The following SORCS3 variants were observed in gnomAD, a reference collection of about 807,000 sequenced individuals.
The protein encoded by SORCS3 is sortilin related VPS10 domain containing receptor 3.
In SORCS3, 57 loss-of-function variants were observed where a neutral mutation model predicts 146.3. That is an observed-to-expected ratio of 0.39 (90% CI 0.31 to 0.49). The LOEUF (loss-of-function observed/expected upper bound fraction) is 0.49, where lower values mean the gene tolerates loss of function less well. SORCS3 is among the 20% of genes least tolerant of loss of function. The probability of loss-of-function intolerance (pLI) is 0.92; values close to 1 mark genes in which losing one functional copy is unlikely to be tolerated. For missense variants in SORCS3, 1,341 were observed against 1,575.5 expected, an observed-to-expected ratio of 0.85 and a Z score of 2.52; for synonymous variants, 653 against 618.5, an observed-to-expected ratio of 1.06 and a Z score of -0.83.
intron 3 of SORCS3, among the ~76,000 whole-genome samples, chr10:104,927,808 G>A (rs12359431): frequency 0.012 from 1,856 of 151,998 alleles, 21 homozygotes; most frequent in Non-Finnish European, 0.019. Flanking sequence ...AACCCGGGAG[G>A]TGGAGGTTGT....
intron 4 of SORCS3, among the ~76,000 whole-genome samples, chr10:105,014,383 T>C (rs1283131425): frequency 6.6e-6 from 1 of 151,910 alleles, no homozygotes; most frequent in Non-Finnish European, 1.5e-5. Flanking sequence ...TGAATTAAGA[T>C]GCAAAAATGC....
intron 1 of SORCS3, among the ~76,000 whole-genome samples, chr10:104,781,958 T>C (rs1421540916): frequency 6.6e-6 from 1 of 152,250 alleles, no homozygotes; most frequent in Non-Finnish European, 1.5e-5. Context: ...GTTACGGAGC[T>C]TTACAGCTTT....
chr10:105,138,731 A>G (rs74157452), intron 7 of SORCS3, among the ~76,000 whole-genome samples: 2,081 of 152,310 alleles, frequency 0.014, 47 homozygotes, highest in African/African-American at 0.047. Flanking sequence ...GTGAGGTTAC[A>G]GGGCTTGTCC....
chr10:105,089,850 C>T lies in SORCS3; in HGVS notation c.1093+11C>T. On this transcript the variant is annotated intron_variant, in intron 6 of 26. Coordinates refer to ENST00000369701, the MANE Select transcript of SORCS3 (RefSeq NM_014978.3). ...GGACCACGGATGGATGTGAGTTCTG[C>T]TACAGCCAGGCTAGGCCCAGGGAGA... The T allele has an allele frequency of 6.2e-7, 1 of 1,611,832 alleles. No homozygotes were observed. Among genetic ancestry groups the T allele is most frequent in the Non-Finnish European group, 8.5e-7 (1 of 1,177,948 alleles).
chr10:104,880,704 T>C (rs962554912), intron 2 of SORCS3, among the ~76,000 whole-genome samples: 1 of 152,114 alleles, frequency 6.6e-6, no homozygotes, highest in African/African-American at 2.4e-5. Flanking sequence ...TTCAAGTACA[T>C]TATCCAGCCC....
At chr10:104,675,551 T>A (rs535740346) in intron 1 of SORCS3, among the ~76,000 whole-genome samples, 1 of 152,204 alleles carries the variant, frequency 6.6e-6, no homozygotes, top group Non-Finnish European at 1.5e-5. Flanking sequence ...AGAATTTGTT[T>A]TATGTGTTGA....
chr10:104,671,202 GC>G, intron 1 of SORCS3, among the ~76,000 whole-genome samples: 1 of 150,566 alleles, frequency 6.6e-6, no homozygotes, highest in South Asian at 2.1e-4. Context: ...GTAAAAGCCA[GC>G]TTCCTTGACT....
intron 3 of SORCS3, among the ~76,000 whole-genome samples, chr10:104,969,697 A>C (rs1474435632): frequency 6.6e-6 from 1 of 152,060 alleles, no homozygotes; most frequent in African/African-American, 2.4e-5. Context: ...TAAAACTGCC[A>C]CTCAATGTCA....
intron 3 of SORCS3, among the ~76,000 whole-genome samples, chr10:104,918,468 C>G (rs1401141320): frequency 6.6e-6 from 1 of 152,150 alleles, no homozygotes; most frequent in Admixed American, 6.5e-5. Flanking sequence ...GCTTTATGAT[C>G]TTGAATTAAA....
intron 5 of SORCS3, among the ~76,000 whole-genome samples, chr10:105,079,909 A>ATTT (rs1035186273): frequency 2.0e-5 from 3 of 152,176 alleles, no homozygotes; most frequent in Non-Finnish European, 4.4e-5. Context: ...TTATGGCTGC[A>ATTT]TGGTGTACCA....
rs765815745 is a variant in SORCS3 at position 105,200,061 on chromosome 10, T to C, written c.2072T>C (p.Ile691Thr). The change falls in exon 15 of 27, where the codon ATC (isoleucine) becomes ACC (threonine). Residue 691 changes from isoleucine to threonine, a missense_variant. Coordinates refer to ENST00000369701, the MANE Select transcript of SORCS3 (RefSeq NM_014978.3). ...WQLVKVDYKS[I>T]FSRHCTKEDY... ...TTGGTGAAAGTGGACTACAAATCTA[T>C]CTTCAGCCGGCATTGCACCAAGGAG... The C allele has an allele frequency of 6.2e-7, 1 of 1,613,564 alleles. No individual in the cohort carries two copies. The highest frequency in any genetic ancestry group is 8.5e-7 in the Non-Finnish European group (1 of 1,179,704).
intron 3 of SORCS3, among the ~76,000 whole-genome samples, chr10:104,947,550 C>G (rs180899700): frequency 3.1e-3 from 470 of 152,214 alleles, no homozygotes; most frequent in African/African-American, 0.011. Flanking sequence ...TCCGCGCAGG[C>G]TCAGAGAATG....
chr10:105,109,675 C>T (rs1176929778), intron 7 of SORCS3, among the ~76,000 whole-genome samples: 1 of 152,026 alleles, frequency 6.6e-6, no homozygotes, highest in Non-Finnish European at 1.5e-5. Flanking sequence ...AGACCAGTCT[C>T]ATATTTTTCA....
At chr10:104,866,856 C>T (rs1706589401) in intron 2 of SORCS3, among the ~76,000 whole-genome samples, 1 of 152,306 alleles carries the variant, frequency 6.6e-6, no homozygotes, top group South Asian at 2.1e-4. Flanking sequence ...AGTCACTCAT[C>T]ACGCTGGTTC....
chr10:104,818,715 G>C (rs1163001073), intron 1 of SORCS3, among the ~76,000 whole-genome samples: 1 of 152,072 alleles, frequency 6.6e-6, no homozygotes, highest in African/African-American at 2.4e-5. Context: ...CCTGGGTTCT[G>C]CCAGCTGAAT....
chr10:104,791,536 G>C (rs7076559), intron 1 of SORCS3, among the ~76,000 whole-genome samples: 6,717 of 152,288 alleles, frequency 0.044, 464 homozygotes, highest in African/African-American at 0.15. Flanking sequence ...TGGCAGCCCA[G>C]TGGTGATGAG....
chr10:104,688,177 C>T (rs912478639), intron 1 of SORCS3, among the ~76,000 whole-genome samples: 1 of 152,234 alleles, frequency 6.6e-6, no homozygotes, highest in Non-Finnish European at 1.5e-5. Context: ...TTGCCTCCTC[C>T]GTCTTGGTCC....
chr10:105,257,166 G>A (rs1212423616), intron 25 of SORCS3, among the ~76,000 whole-genome samples: 1 of 152,126 alleles, frequency 6.6e-6, no homozygotes, highest in Non-Finnish European at 1.5e-5. Context: ...ACTGGCCAAT[G>A]AAATCAATTT....
chr10:105,012,492 T>C (rs2055141385), intron 4 of SORCS3, among the ~76,000 whole-genome samples: 1 of 152,156 alleles, frequency 6.6e-6, no homozygotes, highest in Admixed American at 6.5e-5. Context: ...CAAGAAAGTC[T>C]GGATGGAAAA....
Sources: gnomAD v4.1 joint callset for allele counts (sites outside exome capture counted in the v4.1 genomes callset) on GRCh38, gnomAD v4.1.1 for gene constraint, MANE v1.5 for transcripts, NCBI Gene and HGNC (gene_info 2026-07-23, HGNC 2026-07-21) for gene names.